Variants in DENND1A observed in about 807,000 individuals in gnomAD.
The protein encoded by DENND1A is DENN domain-containing protein 1A.
Under a neutral mutation model 113.7 loss-of-function variants are expected in DENND1A, and 51 were observed. That is an observed-to-expected ratio of 0.45 (90% CI 0.36 to 0.57). The LOEUF (loss-of-function observed/expected upper bound fraction) is 0.57. DENND1A is among the 20% of genes least tolerant of loss of function. The pLI, the probability that DENND1A is intolerant of heterozygous loss-of-function variation, is 0.00. For missense variants in DENND1A, 1,258 were observed against 1,395.9 expected (o/e 0.90, Z 1.57); for synonymous variants, 565 against 570.8 (o/e 0.99, Z 0.14).
rs887851181 is a variant in DENND1A, at chr9:123,864,563, C to T, written c.88+14388G>A. 7.9e-5 allele frequency among the ~76,000 whole-genome samples: 12 copies of T among 152,288 alleles called. No homozygotes were observed. The South Asian group carries it at 1.2e-3, about 16-fold the overall frequency. On this transcript the variant is annotated intron_variant, in intron 2 of 23. Transcript: ENST00000394215. ...AAAAGGCATTCCTCGCCCAGGGAGA[C>T]GAATGTGAGAGCGCCTTCCTTTAAA...
chr9:123,775,986 TACA>T (rs1262968612), intron 3 of DENND1A, among the ~76,000 whole-genome samples: 2 of 152,148 alleles, frequency 1.3e-5, no homozygotes, highest in African/African-American at 4.8e-5. Context: ...TCTAAACCAA[TACA>T]ACCAAAGGAC....
At chr9:123,602,519 G>T (rs1320567303) in intron 11 of DENND1A, among the ~76,000 whole-genome samples, 2 of 152,176 alleles carry the variant, frequency 1.3e-5, no homozygotes, top group Non-Finnish European at 2.9e-5. Context: ...AGTGTCTGAG[G>T]AACGCTCAAA....
At chr9:123,905,843 T>G (rs967751074) in intron 1 of DENND1A, among the ~76,000 whole-genome samples, 2 of 151,362 alleles carry the variant, frequency 1.3e-5, no homozygotes, top group African/African-American at 4.9e-5. Flanking sequence ...AACTCAGCTC[T>G]GCACCAAGCA....
intron 2 of DENND1A, among the ~76,000 whole-genome samples, chr9:123,821,217 G>GA (rs924784392): frequency 9.2e-5 from 14 of 151,740 alleles, no homozygotes; most frequent in African/African-American, 1.2e-4. Flanking sequence ...AAATTCATCA[G>GA]AAAAAAATAT....
intron 2 of DENND1A, 49 bp from the exon 3 acceptor site, chr9:123,792,679 A>C: frequency 6.3e-7 from 1 of 1,591,996 alleles, no homozygotes; most frequent in Non-Finnish European, 8.6e-7. Flanking sequence ...TTAGTGAGCA[A>C]GCAGAGGATC....
intron 12 of DENND1A, among the ~76,000 whole-genome samples, chr9:123,568,270 C>CTTGCA (rs1445047475): frequency 6.6e-6 from 1 of 152,208 alleles, no homozygotes; most frequent in Non-Finnish European, 1.5e-5. Context: ...ATCTGGATGC[C>CTTGCA]TCTAGGCAAG....
intron 13 of DENND1A, among the ~76,000 whole-genome samples, chr9:123,494,778 C>G (rs1299019562): frequency 1.3e-5 from 2 of 151,758 alleles, no homozygotes; most frequent in Admixed American, 6.6e-5. Flanking sequence ...CACTGAGAAG[C>G]CTTCAGGCCC....
At chr9:123,640,171 T>C (rs2061953235) in intron 9 of DENND1A, among the ~76,000 whole-genome samples, 1 of 152,168 alleles carries the variant, frequency 6.6e-6, no homozygotes, top group Non-Finnish European at 1.5e-5. Context: ...AAGATCAAAA[T>C]GCAAACAATC....
At chr9:123,689,525 T>A (rs1387271066) in intron 5 of DENND1A, among the ~76,000 whole-genome samples, 1 of 152,210 alleles carries the variant, frequency 6.6e-6, no homozygotes, top group Non-Finnish European at 1.5e-5. Flanking sequence ...CTTTTATTAC[T>A]TATAACAGCA....
intron 9 of DENND1A, among the ~76,000 whole-genome samples, chr9:123,632,904 TAA>T (rs2061541387): frequency 1.3e-5 from 2 of 151,280 alleles, no homozygotes; most frequent in Admixed American, 6.6e-5. Flanking sequence ...ATTATAATAA[TAA>T]TAATATTATT....
chr9:123,623,903 G>A (rs1287014012), intron 10 of DENND1A, among the ~76,000 whole-genome samples: 7 of 152,264 alleles, frequency 4.6e-5, no homozygotes, highest in Middle Eastern at 3.4e-3. Flanking sequence ...AGAAGTCAAC[G>A]AAGACTTCAT....
At chr9:123,585,105 G>T (rs936658452) in intron 11 of DENND1A, among the ~76,000 whole-genome samples, 2 of 152,192 alleles carry the variant, frequency 1.3e-5, no homozygotes, top group African/African-American at 4.8e-5. Flanking sequence ...AACACTCCCA[G>T]GCAGCAGAAT....
chr9:123,839,683 T>C (rs1438754520), intron 2 of DENND1A, among the ~76,000 whole-genome samples: 1 of 152,236 alleles, frequency 6.6e-6, no homozygotes, highest in Non-Finnish European at 1.5e-5. Flanking sequence ...TATTGTTCTT[T>C]TAAATTGAAT....
At chr9:123,414,897 G>A (rs1304729325) in intron 19 of DENND1A, among the ~76,000 whole-genome samples, 2 of 152,182 alleles carry the variant, frequency 1.3e-5, no homozygotes, top group Admixed American at 6.5e-5. Context: ...GTCTAGTAGA[G>A]TACTTGATAC....
intron 19 of DENND1A, among the ~76,000 whole-genome samples, chr9:123,427,491 C>A (rs1033811681): frequency 5.3e-5 from 8 of 152,198 alleles, no homozygotes; most frequent in Non-Finnish European, 1.2e-4. Flanking sequence ...CCTGGTCTGC[C>A]ATGCGCTAAC....
At chr9:123,841,166 G>C (rs1423506493) in intron 2 of DENND1A, among the ~76,000 whole-genome samples, 3 of 152,132 alleles carry the variant, frequency 2.0e-5, no homozygotes, top group Admixed American at 6.6e-5. Flanking sequence ...GTGCTTTCCA[G>C]AGAGACCCTA....
At chr9:123,694,441 G>T (rs2065379434) in intron 5 of DENND1A, among the ~76,000 whole-genome samples, 1 of 152,208 alleles carries the variant, frequency 6.6e-6, no homozygotes, top group Non-Finnish European at 1.5e-5. Context: ...TGTAGCAAAA[G>T]AAAGATGAGC....
Position 123,742,898 on chromosome 9 carries a change from A to G in DENND1A, c.302+14805T>C, listed in dbSNP as rs139437991. 1.7e-3 allele frequency among the ~76,000 whole-genome samples: 263 copies of G among 152,274 alleles called. 5 individuals carry two copies. The East Asian group carries it at 0.043, about 25-fold the overall frequency. On this transcript the variant is annotated intron_variant, in intron 5 of 23. Transcript: ENST00000394215. Reference sequence around the variant, plus strand: ...TACTAACATTTCTCAATTAAGAGGAACTCCTTTAACATCTCTGAAATCAAA... The same window carrying G: ...TACTAACATTTCTCAATTAAGAGGAGCTCCTTTAACATCTCTGAAATCAAA...
intron 19 of DENND1A, among the ~76,000 whole-genome samples, chr9:123,431,725 G>A (rs1253361107): frequency 2.0e-5 from 3 of 152,196 alleles, no homozygotes; most frequent in Non-Finnish European, 4.4e-5. Context: ...CCCTGGAGCT[G>A]GAACAGAGAC....
Sources: gnomAD v4.1 joint callset for allele counts (sites outside exome capture counted in the v4.1 genomes callset) on GRCh38, gnomAD v4.1.1 for gene constraint, MANE v1.5 for transcripts, NCBI Gene and HGNC (gene_info 2026-07-23, HGNC 2026-07-21) for gene names.